FBXO10: variants seen among roughly 807,000 people sequenced by gnomAD.
FBXO10 encodes F-box protein 10.
FBXO10 carries 39 observed loss-of-function variants against 80.7 expected under a neutral mutation model. The observed-to-expected ratio is 0.48, with a 90% CI of 0.37 to 0.63. The LOEUF is 0.63. Among genes scored for constraint, FBXO10 ranks in the 30% least tolerant of loss-of-function variants. FBXO10 has a pLI of 0.00. For synonymous variants in FBXO10, 449 were observed against 489.6 expected, an observed-to-expected ratio of 0.92 and a Z score of 1.09; for missense variants, 1,025 against 1,269.0, an observed-to-expected ratio of 0.81 and a Z score of 2.92.
rs750043481 is a variant in FBXO10 at position 37,537,502 on chromosome 9, C to T, written c.1027G>A (p.Asp343Asn). 6.2e-7 allele frequency: 1 copy of T among 1,611,464 alleles called. No homozygotes were observed. Among genetic ancestry groups the T allele is most frequent in the South Asian group, 1.1e-5 (1 of 90,476 alleles). ...GGGGTCTGGGCCACCCTTTCACCAT[C>T]ACTACCCACCTCTGCCTCCTGTGAG... Reference protein sequence around the residue: ...AGSQEAEVGSDGERVAQTPDS... With the variant: ...AGSQEAEVGSNGERVAQTPDS... The change falls in exon 3 of 11, where the codon GAT becomes AAT. Residue 343 changes from aspartate (D) to asparagine (N), a missense_variant. Physicochemically the swap from Asp to Asn is conservative, Grantham distance 23 (BLOSUM62 1). This residue lies in a region of FBXO10 where 450 missense variants were observed against 499.4 expected (regional missense o/e 0.90). Coordinates refer to ENST00000432825, the MANE Select transcript of FBXO10 (RefSeq NM_012166.3).
At chr9:37,549,197 T>C (rs990936479) in intron 1 of FBXO10, among the ~76,000 whole-genome samples, 2 of 152,230 alleles carry the variant, frequency 1.3e-5, no homozygotes, top group South Asian at 4.1e-4. Context: ...CATCCCAACC[T>C]ACCCTCACCC....
intron 3 of FBXO10, 101 bp from the exon 4 acceptor site, chr9:37,532,159 C>A (rs542753989): frequency 2.3e-6 from 3 of 1,305,762 alleles, no homozygotes; most frequent in Non-Finnish European, 1.0e-6. Context: ...CTGATCCATG[C>A]AGTTTACCCC....
rs1356285097 is a variant in FBXO10 at position 37,541,284 on chromosome 9, C to T, written c.485G>A (p.Gly162Asp). ...PVEIVGQGKL[G>D]EVALLASIDQ... ...AATGCTGGCCAGCAGGGCCACTTCACCCAACTTCCCCTGCCCTACAATCTC... is the reference window on the plus strand; with the variant it reads ...AATGCTGGCCAGCAGGGCCACTTCATCCAACTTCCCCTGCCCTACAATCTC... Residue 162 changes from glycine to aspartate, a missense_variant, in exon 2 of 11, where the codon GGT (glycine) becomes GAT (aspartate). Physicochemically the swap from Gly to Asp is moderately conservative, Grantham distance 94. Coordinates refer to ENST00000432825, the MANE Select transcript of FBXO10 (RefSeq NM_012166.3). 3.7e-6 allele frequency: 6 copies of T among 1,613,842 alleles called. No homozygotes were observed. The African/African-American group carries it at 5.3e-5, about 14-fold the overall frequency.
intron 6 of FBXO10, among the ~76,000 whole-genome samples, chr9:37,523,713 G>C (rs956805423): frequency 2.0e-5 from 3 of 152,156 alleles, no homozygotes; most frequent in Admixed American, 2.0e-4. Context: ...CCTGAGGTCG[G>C]GAGTTCGAGA....
intron 5 of FBXO10, among the ~76,000 whole-genome samples, chr9:37,527,955 C>T (rs111793380): frequency 0.03 from 4,541 of 152,232 alleles, 230 homozygotes; most frequent in African/African-American, 0.1. Flanking sequence ...AAAATTATGG[C>T]ATATCGAAAT....
Position 37,522,544 on chromosome 9 carries a change from T to C in FBXO10, c.1930+281A>G, listed in dbSNP as rs1381888549. The C allele has an allele frequency of 7.6e-6, 9 of 1,179,116 alleles. No homozygotes were observed. The South Asian group carries it at 2.6e-4, about 34-fold the overall frequency. The allele number at this position is 1,179,116 out of a possible 1,614,324, so 73.0% of individuals were successfully genotyped here. On this transcript the variant is annotated intron_variant, in intron 7 of 10. Coordinates refer to ENST00000432825, the MANE Select transcript of FBXO10 (RefSeq NM_012166.3). ...AGATGCACATGAGCCAGGGCTGAAA[T>C]GGTCCTGTCCTTAAGACATGACACA...
At chr9:37,567,212 G>C (rs190267086) in intron 1 of FBXO10, among the ~76,000 whole-genome samples, 20 of 143,732 alleles carry the variant, frequency 1.4e-4, no homozygotes, top group Middle Eastern at 3.7e-3. Flanking sequence ...ATGTGATCTT[G>C]GCTCACTACA....
intron 4 of FBXO10, 142 bp downstream of exon 4, chr9:37,531,767 C>G: frequency 1.3e-6 from 1 of 765,510 alleles, no homozygotes; most frequent in Non-Finnish European, 2.1e-6. Context: ...CACAGAGTCA[C>G]AAGGACACGC....
chr9:37,537,661 C>CA lies in FBXO10; in HGVS notation c.867dup (p.Asp290Ter). The CA allele has an allele frequency of 1.9e-6, 3 of 1,613,984 alleles. No individual in the cohort carries two copies. Among genetic ancestry groups the CA allele is most frequent in the Non-Finnish European group, 2.5e-6 (3 of 1,179,894 alleles). ...TCTAGGTCCAGGGACATTAAAAAGT[C>CA]AGAGTCCTCTGTGGGGAGAAAAGTG... is the stretch of plus-strand genomic sequence containing the variant. On this transcript the variant is annotated frameshift_variant, in exon 3 of 11. Coordinates refer to ENST00000432825, the MANE Select transcript of FBXO10 (RefSeq NM_012166.3). LOFTEE classifies it high-confidence loss of function.
intron 3 of FBXO10, among the ~76,000 whole-genome samples, chr9:37,534,005 A>G (rs937244425): frequency 2.0e-5 from 3 of 152,144 alleles, no homozygotes; most frequent in Non-Finnish European, 2.9e-5. Context: ...GGATGTGTGC[A>G]GGTTAGGTGC....
intron 1 of FBXO10, among the ~76,000 whole-genome samples, chr9:37,554,195 C>T (rs139526834): frequency 1.3e-5 from 2 of 152,162 alleles, no homozygotes; most frequent in East Asian, 3.8e-4. Context: ...CCTTGTGTTG[C>T]CCTTTTGTAA....
chr9:37,539,337 C>A (rs1821858790), intron 2 of FBXO10, among the ~76,000 whole-genome samples: 1 of 152,252 alleles, frequency 6.6e-6, no homozygotes. Flanking sequence ...TCACTGAAAA[C>A]TGCTGTGAAA....
chr9:37,525,194 A>T, intron 5 of FBXO10, 22 bp from the exon 6 acceptor site: 1 of 1,554,588 alleles, frequency 6.4e-7, no homozygotes, highest in South Asian at 1.2e-5. Context: ...GGAAAACAAA[A>T]CAAAGAGGTG....
chr9:37,566,354 G>A (rs1332307808), intron 1 of FBXO10, among the ~76,000 whole-genome samples: 6 of 151,928 alleles, frequency 3.9e-5, no homozygotes, highest in Non-Finnish European at 8.8e-5. Context: ...AGCTACTTGG[G>A]AGGCTGAGGC....
At chr9:37,514,575 C>T (rs1267376936) in intron 10 of FBXO10, among the ~76,000 whole-genome samples, 1 of 152,016 alleles carries the variant, frequency 6.6e-6, no homozygotes, top group Non-Finnish European at 1.5e-5. Flanking sequence ...GTGGCTCACA[C>T]CTGTAATCTC....
intron 6 of FBXO10, among the ~76,000 whole-genome samples, chr9:37,524,486 G>C (rs1821420201): frequency 6.6e-6 from 1 of 152,206 alleles, no homozygotes; most frequent in Admixed American, 6.5e-5. Flanking sequence ...CCCTGGACCA[G>C]TATTTGCGGA....
rs899895298 is a variant in FBXO10 at position 37,537,943 on chromosome 9, T to C, written c.586A>G (p.Thr196Ala). 1.2e-6 allele frequency: 2 copies of C among 1,611,414 alleles called. No homozygotes were observed. The highest frequency in any genetic ancestry group is 2.2e-5 in the South Asian group (2 of 91,004). The change falls in exon 3 of 11, where the codon ACA (threonine) becomes GCA (alanine). Residue 196 changes from threonine to alanine, a missense_variant and splice_region_variant. By Grantham distance (58) the Thr-to-Ala change is moderately conservative. Coordinates refer to ENST00000432825, the MANE Select transcript of FBXO10 (RefSeq NM_012166.3). ...PAWFSPIMYK[T>A]TSGHVQFDNC... ...TCAAACTGGACGTGACCTGATGTTG[T>C]CTGGGGAATGAAAAGAAGAAAACGG...
chr9:37,562,924 A>T (rs1350771807), intron 1 of FBXO10, among the ~76,000 whole-genome samples: 1 of 152,162 alleles, frequency 6.6e-6, no homozygotes, highest in Non-Finnish European at 1.5e-5. Flanking sequence ...AAACCAAAGA[A>T]ATCCCACAAT....
chr9:37,543,377 G>A (rs1821974212), intron 1 of FBXO10, among the ~76,000 whole-genome samples: 1 of 152,170 alleles, frequency 6.6e-6, no homozygotes, highest in Admixed American at 6.5e-5. Context: ...AGGAGAACAG[G>A]AGTTGCAATT....
Sources: gnomAD v4.1 joint callset for allele counts (sites outside exome capture counted in the v4.1 genomes callset) on GRCh38, gnomAD v4.1.1 for gene constraint, gnomAD v4.1.1 regional missense constraint, MANE v1.5 for transcripts, NCBI Gene and HGNC (gene_info 2026-07-23, HGNC 2026-07-21) for gene names.